MGME1: variants seen among roughly 807,000 people sequenced by gnomAD.
The protein encoded by MGME1 is chromosome 20 open reading frame 72.
A neutral mutation model predicts 33.0 loss-of-function variants in MGME1; 22 were observed. The ratio of observed to expected loss-of-function variants is 0.67; its 90% CI spans 0.48 to 0.95. The LOEUF (loss-of-function observed/expected upper bound fraction) is 0.95. Among genes scored for constraint, MGME1 ranks in the 40% least tolerant of loss-of-function variants. The pLI is 0.00. For synonymous variants in MGME1, 133 were observed against 144.0 expected (o/e 0.92, Z 0.55); for missense variants, 383 against 397.8 (o/e 0.96, Z 0.32).
chr20:17,978,247 C>G lies in MGME1; in HGVS notation c.731+2344C>G, dbSNP rs2035917679. On this transcript the variant is annotated intron_variant, in intron 3 of 4. Transcript: ENST00000377710. ...GAGACGGAGTTTCACTCTTGTTGCC[C>G]AGGTTGGAGTGCAATGGCGTGATCT... 3.9e-5 allele frequency among the ~76,000 whole-genome samples: 6 copies of G among 152,040 alleles called. No individual in the cohort carries two copies. In the South Asian group the frequency reaches 1.2e-3, roughly 32 times the overall value.
rs1568619927 is a variant in MGME1, at chr20:17,990,423, G to GGGGGGGGGGCCCCCC, written c.*314_*315insGGGGGGGGGCCCCCC. The GGGGGGGGGGCCCCCC allele has an allele frequency of 4.0e-6, 1 of 251,526 alleles. No individual in the cohort carries two copies. The allele number at this position is 251,526 out of a possible 1,614,324, so 15.6% of individuals were successfully genotyped here. A position where few individuals can be genotyped will look rare whatever the true frequency, so the allele number is the denominator to read the frequency against. ...CTTGAGGGACATTGGGGGGGGGGGG[G>GGGGGGGGGGCCCCCC]CGTGGTCCCAGGCAGGATGCCCAGT... On this transcript the variant is annotated 3_prime_UTR_variant, in exon 5 of 5. Coordinates refer to ENST00000377710, the MANE Select transcript of MGME1 (RefSeq NM_052865.4).
At chr20:17,971,075 A>G (rs1463582909) in intron 2 of MGME1, among the ~76,000 whole-genome samples, 1 of 152,240 alleles carries the variant, frequency 6.6e-6, no homozygotes, top group South Asian at 2.1e-4. Flanking sequence ...CAAGCTTCCC[A>G]AAGTGCAGTA....
chr20:17,981,036 T>A (rs1316076006), intron 3 of MGME1, among the ~76,000 whole-genome samples: 3 of 152,126 alleles, frequency 2.0e-5, no homozygotes, highest in Non-Finnish European at 2.9e-5. Context: ...GCGATTGCTG[T>A]TTTAAGTTTG....
At chr20:17,988,407 C>T (rs1390746677) in intron 4 of MGME1, 109 bp downstream of exon 4, 4 of 1,183,174 alleles carry the variant, frequency 3.4e-6, no homozygotes, top group Non-Finnish European at 4.7e-6. Flanking sequence ...TTTGGGAGGC[C>T]AAGGCCGGTG....
chr20:17,988,251 G>A lies in MGME1; in HGVS notation c.817G>A (p.Val273Met). 2 of 1,614,142 alleles carry A rather than the reference G, an allele frequency of 1.2e-6. No homozygotes were observed. Among genetic ancestry groups the A allele is most frequent in the East Asian group, 2.2e-5 (1 of 44,884 alleles). Residue 273 changes from valine (V) to methionine (M), a missense_variant, in exon 4 of 5, where the codon GTG becomes ATG. Transcript: ENST00000377710. ...QSTFDNPLQV[V>M]AYMGAMNHDT... ...TACATTTGACAACCCACTGCAAGTTGTGGCATACATGGGTGCCATGAACCA... is the reference window on the plus strand; with the variant it reads ...TACATTTGACAACCCACTGCAAGTTATGGCATACATGGGTGCCATGAACCA...
In MGME1 at chr20:17,969,888, G is replaced by A; in HGVS notation, c.29G>A (p.Cys10Tyr). MKMKLFQTICRQLRSSKFSV... is the reference protein window; with the variant it reads MKMKLFQTIYRQLRSSKFSV... ...AAGATGAAGTTATTTCAGACCATTT[G>A]CAGGCAGCTCAGGAGTTCAAAGTTT... The change falls in exon 2 of 5, where the codon TGC (cysteine) becomes TAC (tyrosine). Residue 10 changes from cysteine to tyrosine, a missense_variant. Cys to Tyr is a radical substitution (Grantham distance 194, BLOSUM62 -2). Coordinates refer to ENST00000377710, the MANE Select transcript of MGME1 (RefSeq NM_052865.4). 3 of 1,611,346 alleles carry A rather than the reference G, an allele frequency of 1.9e-6. No individual in the cohort carries two copies. The highest frequency in any genetic ancestry group is 2.5e-6 in the Non-Finnish European group (3 of 1,179,304).
intron 3 of MGME1, among the ~76,000 whole-genome samples, chr20:17,979,841 TC>T (rs1191490105): frequency 6.6e-6 from 1 of 151,990 alleles, no homozygotes; most frequent in Non-Finnish European, 1.5e-5. Flanking sequence ...AGGCTGTCCT[TC>T]CACCTCAGCT....
intron 3 of MGME1, among the ~76,000 whole-genome samples, chr20:17,979,413 T>A (rs2035947121): frequency 6.6e-6 from 1 of 151,010 alleles, no homozygotes; most frequent in Non-Finnish European, 1.5e-5. Context: ...TTTTTAATTT[T>A]ATTTATTTAT....
Position 17,969,784 on chromosome 20 carries a change from T to G in MGME1, c.-59-17T>G, listed in dbSNP as rs1446559066. ...CTGATGCAGCTTTCGCTTTGATGGT[T>G]GTTTTCTCTCCAATAGGAATACAAA... On this transcript the variant is annotated splice_polypyrimidine_tract_variant and intron_variant, in intron 1 of 4. Coordinates refer to ENST00000377710, the MANE Select transcript of MGME1 (RefSeq NM_052865.4). 4 of 1,433,022 alleles carry G rather than the reference T, an allele frequency of 2.8e-6. No individual in the cohort carries two copies. In the South Asian group the frequency reaches 4.2e-5, roughly 15 times the overall value. The allele number at this position is 1,433,022 out of a possible 1,614,324, so 88.8% of individuals were successfully genotyped here.
intron 2 of MGME1, among the ~76,000 whole-genome samples, chr20:17,974,397 G>A (rs2122515798): frequency 6.6e-6 from 1 of 152,118 alleles, no homozygotes; most frequent in South Asian, 2.1e-4. Flanking sequence ...TATGAGGAGG[G>A]GGCTTACTAT....
chr20:17,977,692 AGAT>A (rs2035903962), intron 3 of MGME1, among the ~76,000 whole-genome samples: 1 of 152,216 alleles, frequency 6.6e-6, no homozygotes, highest in African/African-American at 2.4e-5. Flanking sequence ...TTCGTTCTCC[AGAT>A]ATCAGGGTAT....
intron 2 of MGME1, among the ~76,000 whole-genome samples, chr20:17,971,544 A>G (rs6136239): frequency 3.9e-5 from 6 of 152,206 alleles, no homozygotes; most frequent in African/African-American, 1.4e-4. Flanking sequence ...AATTACTAAT[A>G]AGAAATGTAT....
intron 3 of MGME1, among the ~76,000 whole-genome samples, chr20:17,979,644 C>G (rs1331546232): frequency 6.7e-6 from 1 of 150,222 alleles, no homozygotes; most frequent in Non-Finnish European, 1.5e-5. Flanking sequence ...TCTCGATCTC[C>G]TGACCTCGTG....
rs1385959887 is a variant in MGME1, at chr20:17,985,473, T to G, written c.732-2693T>G. ...GTAAAAAAGTTACAGTAAGCTAAAG[T>G]TAATGTATTATTGAAGAAAGAAAAA... On this transcript the variant is annotated intron_variant, in intron 3 of 4. Transcript: ENST00000377710. 4.6e-5 allele frequency among the ~76,000 whole-genome samples: 7 copies of G among 152,322 alleles called. No homozygotes were observed. The East Asian group carries it at 1.3e-3, about 29-fold the overall frequency.
chr20:17,977,324 C>T (rs1474985128), intron 3 of MGME1, among the ~76,000 whole-genome samples: 2 of 151,010 alleles, frequency 1.3e-5, no homozygotes, highest in Non-Finnish European at 2.9e-5. Context: ...TGCAGTGAAC[C>T]GAGATGGTGC....
In MGME1 at chr20:17,989,998, C is replaced by T. The variant is rs1272534566; in HGVS notation, c.924C>T (p.Phe308=). 1.9e-6 allele frequency: 3 copies of T among 1,614,180 alleles called. No individual in the cohort carries two copies. Among genetic ancestry groups the T allele is most frequent in the Non-Finnish European group, 2.5e-6 (3 of 1,180,030 alleles). The change falls in exon 5 of 5, where the codon TTC becomes TTT. Residue 308 remains phenylalanine, a synonymous_variant. Coordinates refer to ENST00000377710, the MANE Select transcript of MGME1 (RefSeq NM_052865.4). The stretch of plus-strand genomic sequence containing the variant: ...ATGGATCACCTGCCCACCCACATTT[C>T]ATGGATGCAGAGCTCTGTTCCCAGT... The part of the protein sequence containing the change: ...YKDGSPAHPH[F]MDAELCSQYW...
intron 3 of MGME1, among the ~76,000 whole-genome samples, chr20:17,985,847 A>G (rs547804501): frequency 6.1e-4 from 93 of 152,130 alleles, no homozygotes; most frequent in Non-Finnish European, 1.1e-3. Context: ...GGTTTGTGTA[A>G]TATACTCTAT....
At chr20:17,988,072 C>A (rs1239387768) in intron 3 of MGME1, 94 bp from the exon 4 acceptor site, 2 of 1,250,850 alleles carry the variant, frequency 1.6e-6, no homozygotes, top group Non-Finnish European at 2.2e-6. Flanking sequence ...CATTGGCTGA[C>A]AAGTAACAAA....
At chr20:17,974,307 C>T (rs1385205617) in intron 2 of MGME1, among the ~76,000 whole-genome samples, 2 of 152,184 alleles carry the variant, frequency 1.3e-5, no homozygotes, top group Non-Finnish European at 1.5e-5. Context: ...TCAGGTAATC[C>T]GCCTGCCTTG....
Sources: gnomAD v4.1 joint callset for allele counts (sites outside exome capture counted in the v4.1 genomes callset) on GRCh38, gnomAD v4.1.1 for gene constraint, MANE v1.5 for transcripts, NCBI Gene and HGNC (gene_info 2026-07-23, HGNC 2026-07-21) for gene names.